PCDHGB1: variants seen among roughly 807,000 people sequenced by gnomAD.
PCDHGB1 encodes protocadherin gamma-B1.
Under a neutral mutation model 56.6 loss-of-function variants are expected in PCDHGB1, and 34 were observed. The ratio of observed to expected loss-of-function variants is 0.60; its 90% CI spans 0.46 to 0.80. PCDHGB1 has a LOEUF of 0.80. Ranked by LOEUF, PCDHGB1 falls within the 30% of genes least tolerant of loss-of-function variation. The pLI is 0.00. For missense variants in PCDHGB1, 1,278 were observed against 1,204.6 expected, an observed-to-expected ratio of 1.06 and a Z score of -0.90; for synonymous variants, 561 against 505.9, an observed-to-expected ratio of 1.11 and a Z score of -1.46.
chr5:141,437,116 GA>G (rs914218907), intron 1 of PCDHGB1, among the ~76,000 whole-genome samples: 4 of 152,150 alleles, frequency 2.6e-5, no homozygotes, highest in African/African-American at 9.7e-5. Flanking sequence ...GGATTTTTAG[GA>G]CACTTGTTGA....
intron 1 of PCDHGB1, chr5:141,407,978 A>ATCCGTCAGCCTCTGGCCTGGGAT (rs2095018425): frequency 2.7e-6 from 2 of 743,974 alleles, no homozygotes; most frequent in Non-Finnish European, 4.1e-6. Context: ...GACGCCGGGG[A>ATCCGTCAGCCTCTGGCCTGGGAT]TCCGTCAGCC....
intron 1 of PCDHGB1, chr5:141,419,098 G>A (rs993605209): frequency 8.7e-6 from 14 of 1,613,812 alleles, no homozygotes; most frequent in African/African-American, 2.7e-5. Context: ...TGGATCGGGA[G>A]CAGACCCCAG....
chr5:141,421,239 G>C, intron 1 of PCDHGB1: 1 of 1,599,000 alleles, frequency 6.3e-7, no homozygotes, highest in South Asian at 1.1e-5. Flanking sequence ...TGGCGAATCG[G>C]CTACAGCGCG....
chr5:141,355,302 G>C (rs1759792731), intron 1 of PCDHGB1: 3 of 1,613,798 alleles, frequency 1.9e-6, no homozygotes, highest in Non-Finnish European at 2.5e-6. Flanking sequence ...TTCTCTACTC[G>C]GTGTTTGAGG....
chr5:141,421,838 A>G (rs2096604619), intron 1 of PCDHGB1: 1 of 1,613,764 alleles, frequency 6.2e-7, no homozygotes, highest in East Asian at 2.2e-5. Flanking sequence ...CTGGACCGAG[A>G]GAAAGAGGCT....
rs1264878386 is a variant in PCDHGB1 at position 141,366,663 on chromosome 5, C to T, written c.2409+13994C>T. ...TTTCCCCAGCCCAACTACGCAGACA[C>T]GCTCCTTAGTGAAGAGAGCTGTGAG... On this transcript the variant is annotated intron_variant, in intron 1 of 3. Coordinates refer to ENST00000523390, the MANE Select transcript of PCDHGB1 (RefSeq NM_018922.3). The T allele has an allele frequency of 1.9e-6, 3 of 1,614,242 alleles. No individual in the cohort carries two copies. Among genetic ancestry groups the T allele is most frequent in the Non-Finnish European group, 2.5e-6 (3 of 1,180,042 alleles).
Position 141,356,286 on chromosome 5 carries a change from G to A in PCDHGB1, c.2409+3617G>A, listed in dbSNP as rs565025247. On this transcript the variant is annotated intron_variant, in intron 1 of 3. Coordinates refer to ENST00000523390, the MANE Select transcript of PCDHGB1 (RefSeq NM_018922.3). ...GCTCAGTCCAGGAATCTTCTTCCCC[G>A]GGTACAGTAATTGCACTTTTCAACG... 72 of 1,556,442 alleles carry A rather than the reference G, an allele frequency of 4.6e-5. No individual in the cohort carries two copies. The South Asian group carries it at 6.9e-4, about 15-fold the overall frequency.
At chr5:141,401,813 T>C (rs2094195030) in intron 1 of PCDHGB1, among the ~76,000 whole-genome samples, 1 of 152,208 alleles carries the variant, frequency 6.6e-6, no homozygotes, top group Non-Finnish European at 1.5e-5. Context: ...ATGGGTTCCT[T>C]ACAAAGTGCT....
At chr5:141,398,747 AC>A in intron 1 of PCDHGB1, 1 of 1,613,496 alleles carries the variant, frequency 6.2e-7, no homozygotes, top group Middle Eastern at 1.6e-4. Context: ...CAACAGAGTT[AC>A]CATCGTTTAG....
At chr5:141,379,296 G>T (rs537053500) in intron 1 of PCDHGB1, 18 of 152,178 alleles carry the variant, frequency 1.2e-4, no homozygotes, top group African/African-American at 4.1e-4. Flanking sequence ...GTTTCCAAAG[G>T]TATATACCTA....
At chr5:141,425,521 C>A (rs2096880944) in intron 1 of PCDHGB1, among the ~76,000 whole-genome samples, 1 of 152,210 alleles carries the variant, frequency 6.6e-6, no homozygotes, top group Non-Finnish European at 1.5e-5. Flanking sequence ...TATGATGAAA[C>A]ATGAAACAAT....
chr5:141,375,735 T>G, intron 1 of PCDHGB1: 1 of 1,614,254 alleles, frequency 6.2e-7, no homozygotes. Flanking sequence ...CTGAGCCTGT[T>G]TGTGCTGGAC....
chr5:141,480,407 C>T (rs906445993), intron 1 of PCDHGB1, among the ~76,000 whole-genome samples: 1 of 139,782 alleles, frequency 7.2e-6, no homozygotes, highest in Admixed American at 7.0e-5. Context: ...AGAGTGAGAC[C>T]CTGTCTCAAA....
intron 1 of PCDHGB1, chr5:141,405,289 C>G (rs1206637203): frequency 1.7e-5 from 28 of 1,614,070 alleles, no homozygotes; most frequent in Non-Finnish European, 2.4e-5. Context: ...CAGACACACT[C>G]ATCAGCCAGC....
At chr5:141,474,087 A>C (rs1483673747) in intron 1 of PCDHGB1, among the ~76,000 whole-genome samples, 4 of 152,198 alleles carry the variant, frequency 2.6e-5, no homozygotes, top group South Asian at 2.1e-4. Context: ...AAAACCAAAA[A>C]ACAAACAACA....
At chr5:141,372,684 G>T in intron 1 of PCDHGB1, 10 of 1,613,968 alleles carry the variant, frequency 6.2e-6, no homozygotes, top group Non-Finnish European at 8.5e-6. Context: ...CTCAAACACC[G>T]AGTTTAAATT....
intron 1 of PCDHGB1, chr5:141,370,594 G>A (rs755061180): frequency 1.2e-6 from 2 of 1,613,892 alleles, no homozygotes; most frequent in Admixed American, 1.7e-5. Context: ...AGGAACCTGC[G>A]GGTTATTGCA....
chr5:141,418,506 A>G, intron 1 of PCDHGB1: 1 of 1,613,978 alleles, frequency 6.2e-7, no homozygotes, highest in Non-Finnish European at 8.5e-7. Flanking sequence ...ACCGCCTTAG[A>G]TGGTGGGGAC....
rs1758412512 is a variant in PCDHGB1 at position 141,350,119 on chromosome 5, G to T, written c.-142G>T. On this transcript the variant is annotated 5_prime_UTR_variant, in exon 1 of 4. Coordinates refer to ENST00000523390, the MANE Select transcript of PCDHGB1 (RefSeq NM_018922.3). Reference sequence around the variant, plus strand: ...AGGGTGCCTTCCTGCTTTGTCCGGTGCACTGAGCACAGACGCTGCTCCTGT... The same window carrying T: ...AGGGTGCCTTCCTGCTTTGTCCGGTTCACTGAGCACAGACGCTGCTCCTGT... 1.7e-6 allele frequency: 1 copy of T among 594,890 alleles called. No individual in the cohort carries two copies. The highest frequency in any genetic ancestry group is 5.4e-5 in the South Asian group (1 of 18,354). The allele number at this position is 594,890 out of a possible 1,614,324, so 36.9% of individuals were successfully genotyped here.
Sources: allele counts gnomAD v4.1 joint callset (sites outside exome capture counted in the v4.1 genomes callset), GRCh38; gene constraint gnomAD v4.1.1; transcripts MANE v1.5; gene names NCBI Gene and HGNC (gene_info 2026-07-23, HGNC 2026-07-21).